ELAVL1: variants seen among roughly 807,000 people sequenced by gnomAD.
ELAVL1 encodes ELAV-like protein 1.
ELAVL1 carries 1 observed loss-of-function variant against 28.4 expected under a neutral mutation model. The observed-to-expected ratio is 0.04, with a 90% CI of 0.01 to 0.17. ELAVL1 has a LOEUF of 0.17. Ranked by LOEUF, ELAVL1 falls within the 10% of genes least tolerant of loss-of-function variation. The probability of loss-of-function intolerance (pLI) is 1.00; values close to 1 mark genes in which losing one functional copy is unlikely to be tolerated. For missense variants in ELAVL1, 157 were observed against 447.2 expected (o/e 0.35, Z 5.85); for synonymous variants, 174 against 183.5 (o/e 0.95, Z 0.42).
rs529894152 is a variant in ELAVL1 at position 7,963,925 on chromosome 19, G to A, written c.657-118C>T. 2.7e-5 allele frequency: 32 copies of A among 1,179,428 alleles called. No individual in the cohort carries two copies. The highest frequency in any genetic ancestry group is 1.9e-4 in the Admixed American group (7 of 36,872). 73.1% of individuals were successfully genotyped at this position (1,179,428 alleles called of 1,614,324 possible). On this transcript the variant is annotated intron_variant, in intron 5 of 5. Transcript: ENST00000407627. The surrounding 1 kb of genome is among the most constrained non-coding windows in gnomAD (Gnocchi z 4.5). ...GCCCCATCCCGCTCTGCGCAGCCACGAGGTGCTCACGGTTGAGACACCTGC... is the reference window on the plus strand; with the variant it reads ...GCCCCATCCCGCTCTGCGCAGCCACAAGGTGCTCACGGTTGAGACACCTGC...
rs1409065377 is a variant in ELAVL1 at position 7,960,387 on chromosome 19, G to A, written c.*3096C>T. 5 of 152,228 alleles carry A rather than the reference G, an allele frequency of 3.3e-5. No homozygotes were observed. In the East Asian group the frequency reaches 7.7e-4, roughly 23 times the overall value. The allele number at this position is 152,228 out of a possible 1,614,324, so 9.4% of individuals were successfully genotyped here. A position where few individuals can be genotyped will look rare whatever the true frequency, so the allele number is the denominator to read the frequency against. ...CACCACCTGCGGGCGGGCCCCCGAG[G>A]AAGCCCATGAATTTCAGGATATTCA... On this transcript the variant is annotated 3_prime_UTR_variant, in exon 6 of 6. Coordinates refer to ENST00000407627, the MANE Select transcript of ELAVL1 (RefSeq NM_001419.3).
intron 4 of ELAVL1, 23 bp downstream of exon 4, chr19:7,973,702 C>G: frequency 3.1e-6 from 5 of 1,605,024 alleles, no homozygotes; most frequent in Non-Finnish European, 4.3e-6. Flanking sequence ...ACCCTCCCCA[C>G]GCGTCTGGGG....
chr19:7,973,481 T>A (rs988198337), intron 4 of ELAVL1: 2 of 525,822 alleles, frequency 3.8e-6, no homozygotes, highest in Non-Finnish European at 6.7e-6. Context: ...CCACCCACCT[T>A]GGCCTCCCAA....
chr19:7,988,375 T>C (rs1315519604), intron 2 of ELAVL1, among the ~76,000 whole-genome samples: 1 of 151,858 alleles, frequency 6.6e-6, no homozygotes, highest in African/African-American at 2.4e-5. Flanking sequence ...ACCGTGAGTG[T>C]CAGCTTTGGA....
chr19:8,005,195 C>T (rs2081082889), intron 1 of ELAVL1, among the ~76,000 whole-genome samples: 3 of 152,034 alleles, frequency 2.0e-5, no homozygotes, highest in Non-Finnish European at 2.9e-5. Flanking sequence ...CCCGGGCTTC[C>T]AAGGCGACCG....
Position 7,959,633 on chromosome 19 carries a change from G to C in ELAVL1, c.*3850C>G, listed in dbSNP as rs532836657. On this transcript the variant is annotated 3_prime_UTR_variant, in exon 6 of 6. Coordinates refer to ENST00000407627, the MANE Select transcript of ELAVL1 (RefSeq NM_001419.3). ...GTAGAAAAATAGGATCCAGCCATTA[G>C]AGGTCAGGGGAAATCAAAAAGGTTT... 1 of 152,316 alleles carries C rather than the reference G, an allele frequency of 6.6e-6. No homozygotes were observed. Among genetic ancestry groups the C allele is most frequent in the Non-Finnish European group, 1.5e-5 (1 of 68,028 alleles). The allele number at this position is 152,316 out of a possible 1,614,324, so 9.4% of individuals were successfully genotyped here.
At chr19:7,983,489 G>C (rs34129368) in intron 2 of ELAVL1, among the ~76,000 whole-genome samples, 9,095 of 152,270 alleles carry the variant, frequency 0.06, 289 homozygotes, top group Non-Finnish European at 0.07. Flanking sequence ...AGGACCAGAG[G>C]GGACAGCCTC....
At chr19:7,976,412 A>C (rs1410961939) in intron 3 of ELAVL1, among the ~76,000 whole-genome samples, 2 of 152,202 alleles carry the variant, frequency 1.3e-5, no homozygotes, top group African/African-American at 4.8e-5. Context: ...AAAAAAAAAA[A>C]AAGTATTTTT....
intron 3 of ELAVL1, among the ~76,000 whole-genome samples, chr19:7,976,295 G>A (rs1225651770): frequency 5.9e-5 from 9 of 151,534 alleles, no homozygotes; most frequent in East Asian, 5.8e-4. Flanking sequence ...CCAGCTACTC[G>A]GGAGGCTGAG....
Position 7,981,115 on chromosome 19 carries a change from T to C in ELAVL1, c.244A>G (p.Asn82Asp). 6.2e-7 allele frequency: 1 copy of C among 1,614,156 alleles called. No individual in the cohort carries two copies. ...KDAERAINTLNGLRLQSKTIK... is the reference protein window; with the variant it reads ...KDAERAINTLDGLRLQSKTIK... ...GTTTTTGACTGGAGCCTCAAGCCGT[T>C]CAGCGTGTTGATCGCTCTCTCTGCA... Residue 82 changes from asparagine to aspartate, a missense_variant, in exon 3 of 6, where the codon AAC becomes GAC. By Grantham distance (23) the Asn-to-Asp change is conservative. Coordinates refer to ENST00000407627, the MANE Select transcript of ELAVL1 (RefSeq NM_001419.3). This position sits in a 1 kb window ranked among gnomAD's most constrained non-coding sequence, Gnocchi z 4.2.
chr19:7,996,417 G>A (rs1016651012), intron 1 of ELAVL1, among the ~76,000 whole-genome samples: 77 of 151,786 alleles, frequency 5.1e-4, no homozygotes, highest in Non-Finnish European at 9.6e-4. Context: ...TCCTGACCTC[G>A]TGATCTGCCC....
intron 1 of ELAVL1, among the ~76,000 whole-genome samples, chr19:7,999,797 A>AG (rs1373241896): frequency 4.6e-5 from 7 of 152,036 alleles, no homozygotes; most frequent in East Asian, 3.9e-4. Flanking sequence ...TTTTGCAGAG[A>AG]GGGGGGTCTT....
intron 2 of ELAVL1, among the ~76,000 whole-genome samples, chr19:7,990,170 G>A (rs944317062): frequency 4.6e-5 from 7 of 152,062 alleles, no homozygotes; most frequent in African/African-American, 9.7e-5. Flanking sequence ...TTATAGGCGT[G>A]CGCCACCACG....
intron 2 of ELAVL1, among the ~76,000 whole-genome samples, chr19:7,991,226 G>A (rs888688139): frequency 5.3e-5 from 8 of 152,170 alleles, no homozygotes; most frequent in Non-Finnish European, 8.8e-5. Flanking sequence ...CCAAGAGTGG[G>A]GGCCTGGACA....
At chr19:7,965,374 CCTT>C (rs1984930741) in intron 5 of ELAVL1, among the ~76,000 whole-genome samples, 1 of 152,204 alleles carries the variant, frequency 6.6e-6, no homozygotes, top group Non-Finnish European at 1.5e-5. Flanking sequence ...ATGCGCCCGG[CCTT>C]CTTAGGAATT....
At position 7,963,855 on chromosome 19, in the gene ELAVL1, TG is replaced by T; in HGVS notation, c.657-49del. 6.3e-7 allele frequency: 1 copy of T among 1,577,696 alleles called. No homozygotes were observed. On this transcript the variant is annotated intron_variant, in intron 5 of 5. Coordinates refer to ENST00000407627, the MANE Select transcript of ELAVL1 (RefSeq NM_001419.3). This position sits in a 1 kb window ranked among gnomAD's most constrained non-coding sequence, Gnocchi z 4.5. ...CAGGCCACGGTCAGCGCAGGCGGCC[TG>T]GGGATGGGGCAAGGCCTGGACGCAT...
At chr19:7,992,971 C>T (rs1424539611) in intron 1 of ELAVL1, among the ~76,000 whole-genome samples, 1 of 152,160 alleles carries the variant, frequency 6.6e-6, no homozygotes, top group Non-Finnish European at 1.5e-5. Context: ...GAGATGGTAT[C>T]TTGCCCAGGT....
chr19:7,969,666 G>A (rs1367287108), intron 4 of ELAVL1, among the ~76,000 whole-genome samples: 1 of 152,088 alleles, frequency 6.6e-6, no homozygotes, highest in Non-Finnish European at 1.5e-5. Context: ...AGGCAAATAC[G>A]ACTGAGAGCT....
chr19:7,976,781 C>T (rs1320384511), intron 3 of ELAVL1, among the ~76,000 whole-genome samples: 2 of 152,190 alleles, frequency 1.3e-5, no homozygotes, highest in Non-Finnish European at 2.9e-5. Flanking sequence ...GCATCAACGC[C>T]CAGTTCCTCC....
Sources: allele counts gnomAD v4.1 joint callset (sites outside exome capture counted in the v4.1 genomes callset), GRCh38; gene constraint gnomAD v4.1.1; non-coding constraint Gnocchi (gnomAD v3.1); transcripts MANE v1.5; gene names NCBI Gene and HGNC (gene_info 2026-07-23, HGNC 2026-07-21).